MGAT4C: variants seen among roughly 807,000 people sequenced by gnomAD.
The protein encoded by MGAT4C is MGAT4 family member C, also known as alpha-1,3-mannosyl-glycoprotein 4-beta-N-acetylglucosaminyltransferase C.
MGAT4C carries 19 observed loss-of-function variants against 40.1 expected under a neutral mutation model. The observed-to-expected ratio is 0.47, with a 90% confidence interval of 0.33 to 0.70. The LOEUF is 0.70. MGAT4C is among the 30% of genes least tolerant of loss of function. The pLI is 0.02. For missense variants in MGAT4C, 491 were observed against 563.2 expected (o/e 0.87, Z 1.30); for synonymous variants, 181 against 187.1 (o/e 0.97, Z 0.27).
chr12:86,104,042 G>C (rs2135607400), intron 1 of MGAT4C, among the ~76,000 whole-genome samples: 1 of 152,110 alleles, frequency 6.6e-6, no homozygotes, highest in South Asian at 2.1e-4. Flanking sequence ...AAGTCCAGAG[G>C]TCTGAATTTC....
chr12:86,058,676 A>T (rs2136994161), intron 1 of MGAT4C, among the ~76,000 whole-genome samples: 1 of 152,234 alleles, frequency 6.6e-6, no homozygotes. Context: ...AATGAAATTA[A>T]TTCATGGTAT....
At chr12:86,826,687 G>A (rs775494870) in intron 1 of MGAT4C, among the ~76,000 whole-genome samples, 2 of 151,226 alleles carry the variant, frequency 1.3e-5, no homozygotes, top group African/African-American at 2.4e-5. Context: ...CTGGGAATGA[G>A]AGAGTTCATG....
chr12:86,531,681 C>T (rs1012141315), intron 2 of MGAT4C, among the ~76,000 whole-genome samples: 1 of 151,974 alleles, frequency 6.6e-6, no homozygotes, highest in African/African-American at 2.4e-5. Flanking sequence ...AAGCCAGATG[C>T]AATTTATTTT....
At chr12:86,671,797 T>C (rs1964262384) in intron 2 of MGAT4C, among the ~76,000 whole-genome samples, 1 of 151,926 alleles carries the variant, frequency 6.6e-6, no homozygotes, top group African/African-American at 2.4e-5. Flanking sequence ...CACCAAGATA[T>C]ATGAAAGAAA....
intron 2 of MGAT4C, among the ~76,000 whole-genome samples, chr12:86,549,834 C>T (rs1029939558): frequency 3.9e-5 from 6 of 152,162 alleles, no homozygotes; most frequent in Non-Finnish European, 8.8e-5. Context: ...AGACACCCAG[C>T]CTCTGCAGAC....
chr12:86,220,670 C>T (rs1312679085), intron 1 of MGAT4C, among the ~76,000 whole-genome samples: 1 of 152,092 alleles, frequency 6.6e-6, no homozygotes, highest in East Asian at 1.9e-4. Context: ...ATTTAACAAC[C>T]AACCCTATGT....
intron 1 of MGAT4C, among the ~76,000 whole-genome samples, chr12:86,793,051 G>A (rs1010795177): frequency 2.0e-5 from 3 of 152,078 alleles, no homozygotes; most frequent in South Asian, 2.1e-4. Flanking sequence ...GTTTCTTCAC[G>A]CCTTACAATA....
chr12:86,320,328 G>A (rs1954350819), intron 4 of MGAT4C, among the ~76,000 whole-genome samples: 1 of 152,126 alleles, frequency 6.6e-6, no homozygotes, highest in Non-Finnish European at 1.5e-5. Context: ...TAGGGAAGGT[G>A]TTAACTTTCT....
At chr12:86,240,897 T>G (rs545895832) in intron 1 of MGAT4C, among the ~76,000 whole-genome samples, 22 of 152,298 alleles carry the variant, frequency 1.4e-4, no homozygotes, top group Non-Finnish European at 2.5e-4. Context: ...AATTAGGTGT[T>G]GCATTTAGTT....
At chr12:86,016,799 T>C (rs1889129592) in intron 2 of MGAT4C, among the ~76,000 whole-genome samples, 1 of 152,192 alleles carries the variant, frequency 6.6e-6, no homozygotes, top group Non-Finnish European at 1.5e-5. Flanking sequence ...ACACAATTTC[T>C]TTCCACCTTA....
intron 2 of MGAT4C, among the ~76,000 whole-genome samples, chr12:86,480,545 T>TATAGATATGTACACATATAC (rs1165043776): frequency 1.2e-4 from 15 of 122,242 alleles, no homozygotes; most frequent in African/African-American, 4.4e-4. Flanking sequence ...CAAATACATA[T>TATAGATATGTACACATATAC]GTATGTATAC....
chr12:86,050,461 C>A (rs1228378112), intron 1 of MGAT4C, among the ~76,000 whole-genome samples: 1 of 151,898 alleles, frequency 6.6e-6, no homozygotes, highest in Non-Finnish European at 1.5e-5. Context: ...TTATCTTTTC[C>A]CACTATACAT....
At chr12:86,526,602 A>T (rs949024531) in intron 2 of MGAT4C, among the ~76,000 whole-genome samples, 1 of 152,000 alleles carries the variant, frequency 6.6e-6, no homozygotes, top group African/African-American at 2.4e-5. Context: ...GCCCCAGGAG[A>T]GGTGTGCAGA....
intron 4 of MGAT4C, among the ~76,000 whole-genome samples, chr12:86,270,685 T>C (rs1192167770): frequency 6.6e-6 from 1 of 152,126 alleles, no homozygotes; most frequent in Admixed American, 6.5e-5. Flanking sequence ...AATTTATATG[T>C]AACCGAAAAA....
At chr12:86,459,663 T>A (rs1054199066) in intron 2 of MGAT4C, among the ~76,000 whole-genome samples, 1 of 31,744 alleles carries the variant, frequency 3.2e-5, no homozygotes, top group African/African-American at 1.2e-4. Context: ...CCCCCAACCT[T>A]CCCCGCCCCC....
intron 4 of MGAT4C, among the ~76,000 whole-genome samples, chr12:86,332,859 CA>C (rs1175157266): frequency 6.6e-6 from 1 of 151,790 alleles, no homozygotes; most frequent in Non-Finnish European, 1.5e-5. Context: ...GGTTGATTAA[CA>C]TTTTTTTTGT....
chr12:86,160,531 G>T (rs886481659), intron 1 of MGAT4C, among the ~76,000 whole-genome samples: 1 of 152,068 alleles, frequency 6.6e-6, no homozygotes, highest in African/African-American at 2.4e-5. Flanking sequence ...GTGTGCAGAT[G>T]AGAAGAATGA....
intron 4 of MGAT4C, among the ~76,000 whole-genome samples, chr12:86,310,859 G>C (rs1349088789): frequency 6.6e-6 from 1 of 152,196 alleles, no homozygotes; most frequent in Non-Finnish European, 1.5e-5. Flanking sequence ...GGGAGGTGGA[G>C]GTTGCAGTGA....
At chr12:86,149,348 A>G (rs910467439) in intron 1 of MGAT4C, among the ~76,000 whole-genome samples, 1 of 152,308 alleles carries the variant, frequency 6.6e-6, no homozygotes, top group East Asian at 1.9e-4. Context: ...TAAATGTGAC[A>G]TGGCTATGTC....
Sources: allele counts gnomAD v4.1 joint callset (sites outside exome capture counted in the v4.1 genomes callset), GRCh38; gene constraint gnomAD v4.1.1; transcripts MANE v1.5; gene names NCBI Gene and HGNC (gene_info 2026-07-23, HGNC 2026-07-21).